The following GRID2 variants were observed in gnomAD, a reference collection of about 807,000 sequenced individuals.
GRID2 encodes the protein glutamate ionotropic receptor delta type subunit 2, also known as glutamate receptor ionotropic, delta-2.
A neutral mutation model predicts 114.8 loss-of-function variants in GRID2; 33 were observed. The ratio of observed to expected loss-of-function variants is 0.29; its 90% CI spans 0.22 to 0.38. The LOEUF (loss-of-function observed/expected upper bound fraction) is 0.38, where lower values mean the gene tolerates loss of function less well. Among genes scored for constraint, GRID2 ranks in the 10% least tolerant of loss-of-function variants. GRID2 has a pLI of 1.00. For missense variants in GRID2, 1,184 were observed against 1,257.7 expected (o/e 0.94, Z 0.89); for synonymous variants, 505 against 449.9 (o/e 1.12, Z -1.55).
chr4:92,345,883 A>G (rs1043346578), intron 1 of GRID2, among the ~76,000 whole-genome samples: 1 of 152,204 alleles, frequency 6.6e-6, no homozygotes, highest in South Asian at 2.1e-4. Context: ...CATAATCAGC[A>G]TATTCAATCA....
chr4:92,741,413 C>A (rs935275603), intron 2 of GRID2, among the ~76,000 whole-genome samples: 1 of 152,128 alleles, frequency 6.6e-6, no homozygotes, highest in Non-Finnish European at 1.5e-5. Context: ...TATTTTAGAT[C>A]AGTTTTCCTA....
chr4:93,341,432 C>A (rs1334870345), intron 8 of GRID2, among the ~76,000 whole-genome samples: 1 of 152,114 alleles, frequency 6.6e-6, no homozygotes, highest in Admixed American at 6.6e-5. Context: ...ACAAGCAACT[C>A]TCAGGCATCA....
rs546904635 is a variant in GRID2, at chr4:93,750,200, A to C, written c.2361-19010A>C. On this transcript the variant is annotated intron_variant, in intron 14 of 15. Coordinates refer to ENST00000282020, the MANE Select transcript of GRID2 (RefSeq NM_001510.4). ...TAATCCTTTCAAAGAGATAAAACAC[A>C]TTACTTTAGTGTTGGAACAAAGCAC... Among the ~76,000 whole-genome samples, 111 of 152,336 alleles carry C rather than the reference A, an allele frequency of 7.3e-4. No homozygotes were observed. The Middle Eastern group carries it at 0.01, about 14-fold the overall frequency.
intron 4 of GRID2, among the ~76,000 whole-genome samples, chr4:93,113,482 G>A (rs1732962192): frequency 6.6e-6 from 1 of 152,168 alleles, no homozygotes; most frequent in African/African-American, 2.4e-5. Flanking sequence ...TGCTCGAGAT[G>A]TAGTTTATTT....
At chr4:93,451,561 G>T (rs1013898094) in intron 10 of GRID2, among the ~76,000 whole-genome samples, 1 of 151,988 alleles carries the variant, frequency 6.6e-6, no homozygotes, top group African/African-American at 2.4e-5. Flanking sequence ...TTTCTCCTAA[G>T]AGCCATGCAA....
intron 1 of GRID2, among the ~76,000 whole-genome samples, chr4:92,369,807 A>C (rs1369978861): frequency 6.6e-6 from 1 of 152,174 alleles, no homozygotes; most frequent in African/African-American, 2.4e-5. Context: ...TATTTTTACT[A>C]TAAGAGGTAG....
At chr4:92,942,823 T>G (rs1751269945) in intron 2 of GRID2, among the ~76,000 whole-genome samples, 1 of 152,190 alleles carries the variant, frequency 6.6e-6, no homozygotes, top group Admixed American at 6.5e-5. Flanking sequence ...TCTCCTTCGC[T>G]TATGAAGCTT....
chr4:93,357,638 A>C (rs1761476365), intron 8 of GRID2, among the ~76,000 whole-genome samples: 1 of 151,552 alleles, frequency 6.6e-6, no homozygotes, highest in African/African-American at 2.4e-5. Context: ...TAAAATTTAT[A>C]TTGCTACAAA....
intron 1 of GRID2, among the ~76,000 whole-genome samples, chr4:92,517,924 C>CA (rs1724584382): frequency 6.6e-6 from 1 of 151,234 alleles, no homozygotes; most frequent in Non-Finnish European, 1.5e-5. Context: ...AACAAAAAAC[C>CA]AAAAAAACCC....
chr4:92,510,926 G>A (rs998220072), intron 1 of GRID2, among the ~76,000 whole-genome samples: 1 of 150,326 alleles, frequency 6.7e-6, no homozygotes, highest in South Asian at 2.1e-4. Flanking sequence ...ACAAAAACCA[G>A]GAGCGTGATG....
chr4:92,455,458 A>T (rs1200375232), intron 1 of GRID2, among the ~76,000 whole-genome samples: 1 of 152,176 alleles, frequency 6.6e-6, no homozygotes. Flanking sequence ...CACCATCAGG[A>T]GAGGATATAA....
intron 2 of GRID2, among the ~76,000 whole-genome samples, chr4:92,776,610 T>G (rs565103658): frequency 6.6e-6 from 1 of 152,100 alleles, no homozygotes; most frequent in African/African-American, 2.4e-5. Context: ...ACTTTTATAA[T>G]TAAAGATCTA....
intron 2 of GRID2, among the ~76,000 whole-genome samples, chr4:92,743,270 C>G (rs1736984961): frequency 6.6e-6 from 1 of 152,196 alleles, no homozygotes; most frequent in East Asian, 1.9e-4. Flanking sequence ...GAATGAGACC[C>G]TGTCTCAACA....
intron 8 of GRID2, among the ~76,000 whole-genome samples, chr4:93,295,232 T>C (rs565158391): frequency 6.6e-6 from 1 of 152,078 alleles, no homozygotes; most frequent in Non-Finnish European, 1.5e-5. Context: ...TTAAAATAAA[T>C]CATGGAGTGA....
At chr4:93,257,999 T>C (rs4444792) in intron 8 of GRID2, among the ~76,000 whole-genome samples, 1,294 of 35,946 alleles carry the variant, frequency 0.036, 29 homozygotes, top group East Asian at 0.23. Flanking sequence ...TATATATATA[T>C]ACACACACAC....
chr4:93,275,221 C>T (rs1035450041), intron 8 of GRID2, among the ~76,000 whole-genome samples: 10 of 151,792 alleles, frequency 6.6e-5, no homozygotes, highest in Admixed American at 6.6e-4. Context: ...TAAGATTTAC[C>T]ACTGTTGTAG....
At chr4:93,803,767 T>C (rs1734980786) in intron 1 of GRID2, among the ~76,000 whole-genome samples, 1 of 152,154 alleles carries the variant, frequency 6.6e-6, no homozygotes, top group Admixed American at 6.5e-5. Flanking sequence ...CTACACAAAT[T>C]TATCATATGA....
chr4:92,766,288 C>G (rs1169094451), intron 2 of GRID2, among the ~76,000 whole-genome samples: 1 of 151,990 alleles, frequency 6.6e-6, no homozygotes, highest in Non-Finnish European at 1.5e-5. Context: ...CCTATAATTC[C>G]AGCACTTTGG....
intron 14 of GRID2, among the ~76,000 whole-genome samples, chr4:93,659,184 A>G (rs867160725): frequency 6.6e-6 from 1 of 152,070 alleles, no homozygotes; most frequent in South Asian, 2.1e-4. Flanking sequence ...AGTGCCAAAA[A>G]CTGGAAGTAA....
Sources: allele counts gnomAD v4.1 joint callset (sites outside exome capture counted in the v4.1 genomes callset), GRCh38; gene constraint gnomAD v4.1.1; transcripts MANE v1.5; gene names NCBI Gene and HGNC (gene_info 2026-07-23, HGNC 2026-07-21).